ADGRL2: variants seen among roughly 807,000 people sequenced by gnomAD.
ADGRL2 encodes adhesion G protein-coupled receptor L2.
In ADGRL2, 44 loss-of-function variants were observed where a neutral mutation model predicts 157.4. The ratio of observed to expected loss-of-function variants is 0.28; its 90% CI spans 0.22 to 0.36. The LOEUF is 0.36. Among genes scored for constraint, ADGRL2 ranks in the 10% least tolerant of loss-of-function variants. The probability of loss-of-function intolerance (pLI) is 1.00; values close to 1 mark genes in which losing one functional copy is unlikely to be tolerated. For synonymous variants in ADGRL2, 585 were observed against 624.7 expected (o/e 0.94, Z 0.95); for missense variants, 1,510 against 1,768.9 (o/e 0.85, Z 2.63).
chr1:81,655,382 C>T (rs1018347572), intron 3 of ADGRL2, among the ~76,000 whole-genome samples: 2 of 152,112 alleles, frequency 1.3e-5, no homozygotes, highest in African/African-American at 2.4e-5. Context: ...AAGTCAATTG[C>T]CCCTGTTCAC....
intron 1 of ADGRL2, among the ~76,000 whole-genome samples, chr1:81,425,911 G>A (rs984564306): frequency 3.3e-5 from 5 of 151,992 alleles, no homozygotes; most frequent in Non-Finnish European, 7.4e-5. Context: ...CTGTTGCCCA[G>A]GCTGGACTGC....
intron 1 of ADGRL2, among the ~76,000 whole-genome samples, chr1:81,750,696 A>C (rs2085461076): frequency 6.6e-6 from 1 of 152,140 alleles, no homozygotes; most frequent in Non-Finnish European, 1.5e-5. Context: ...TAGCCTGGGC[A>C]ACAGAGCAAG....
At chr1:81,926,106 A>T (rs2148681424) in intron 3 of ADGRL2, among the ~76,000 whole-genome samples, 1 of 152,152 alleles carries the variant, frequency 6.6e-6, no homozygotes, top group East Asian at 1.9e-4. Context: ...AAGAAGAGCC[A>T]TAAGGGTGAA....
At chr1:81,790,120 G>C (rs776526428) in intron 2 of ADGRL2, among the ~76,000 whole-genome samples, 38 of 152,200 alleles carry the variant, frequency 2.5e-4, no homozygotes, top group Non-Finnish European at 4.4e-4. Context: ...TAAGTTGTTG[G>C]GACAGGAAAG....
intron 1 of ADGRL2, among the ~76,000 whole-genome samples, chr1:81,439,765 T>C (rs539361721): frequency 6.6e-6 from 1 of 152,314 alleles, no homozygotes; most frequent in African/African-American, 2.4e-5. Flanking sequence ...CCTTGCCCCA[T>C]TGTGTGAGGT....
chr1:81,848,247 T>A (rs2092867781), intron 2 of ADGRL2, among the ~76,000 whole-genome samples: 1 of 151,880 alleles, frequency 6.6e-6, no homozygotes, highest in Non-Finnish European at 1.5e-5. Context: ...AAAAGTAAGT[T>A]AGTAGCAAAT....
At chr1:81,427,441 G>T (rs967632436) in intron 1 of ADGRL2, 8 of 752,270 alleles carry the variant, frequency 1.1e-5, no homozygotes, top group Non-Finnish European at 1.9e-5. Context: ...ATTTGGTGGT[G>T]GTAACTGTGG....
chr1:81,804,666 T>C (rs2088840975), intron 1 of ADGRL2, among the ~76,000 whole-genome samples: 1 of 152,238 alleles, frequency 6.6e-6, no homozygotes, highest in South Asian at 2.1e-4. Flanking sequence ...GGTTTGTTCC[T>C]AGAAAAAGAG....
At chr1:81,426,871 T>A (rs1570936912) in intron 1 of ADGRL2, 1 of 623,402 alleles carries the variant, frequency 1.6e-6, no homozygotes, top group East Asian at 3.4e-5. Flanking sequence ...TACAGAAGAA[T>A]ATAATTTGAG....
At chr1:81,581,874 G>GTGCA (rs1553127043) in intron 3 of ADGRL2, among the ~76,000 whole-genome samples, 1 of 83,452 alleles carries the variant, frequency 1.2e-5, no homozygotes, top group Non-Finnish European at 3.1e-5. Context: ...ACACATGCGC[G>GTGCA]CACACACACA....
chr1:81,374,578 G>GAAAAAAAAAACAAA (rs1553158619), intron 1 of ADGRL2, among the ~76,000 whole-genome samples: 1 of 130,254 alleles, frequency 7.7e-6, no homozygotes. Context: ...TCTCAAAAAA[G>GAAAAAAAAAACAAA]AAAAAAAAAA....
At chr1:81,359,747 C>T (rs2075944001) in intron 1 of ADGRL2, among the ~76,000 whole-genome samples, 1 of 151,954 alleles carries the variant, frequency 6.6e-6, no homozygotes, top group South Asian at 2.1e-4. Context: ...CATTTACCTA[C>T]ATAAATGCAT....
At chr1:81,337,631 T>C (rs898030309) in intron 1 of ADGRL2, among the ~76,000 whole-genome samples, 3 of 152,232 alleles carry the variant, frequency 2.0e-5, no homozygotes, top group African/African-American at 7.2e-5. Context: ...TGCTAATATA[T>C]GGTCTTCTTT....
chr1:81,346,815 A>T (rs1258784937), intron 1 of ADGRL2, among the ~76,000 whole-genome samples: 1 of 152,218 alleles, frequency 6.6e-6, no homozygotes, highest in Admixed American at 6.5e-5. Flanking sequence ...GCATTTTGTT[A>T]TGGCAGTCTT....
At chr1:81,710,495 C>T (rs2083889830) in intron 1 of ADGRL2, among the ~76,000 whole-genome samples, 1 of 151,374 alleles carries the variant, frequency 6.6e-6, no homozygotes, top group Non-Finnish European at 1.5e-5. Flanking sequence ...TGGCACACAC[C>T]TGTAGTCCCA....
chr1:81,556,146 G>A (rs1172317604), intron 2 of ADGRL2, among the ~76,000 whole-genome samples: 2 of 151,972 alleles, frequency 1.3e-5, no homozygotes, highest in Non-Finnish European at 2.9e-5. Context: ...CTCATTTTGA[G>A]AGCTCTGGAA....
In ADGRL2 at chr1:81,642,787, T is replaced by C. The variant is rs115896396; in HGVS notation, c.-143+61807T>C. 8.8e-3 allele frequency among the ~76,000 whole-genome samples: 1,346 copies of C among 152,206 alleles called. 11 individuals carry two copies. Among genetic ancestry groups the C allele is most frequent in the Admixed American group, 0.021 (327 of 15,290 alleles). On this transcript the variant is annotated intron_variant, in intron 3 of 24. Coordinates refer to the ADGRL2 transcript ENST00000370721. ...ACCGATTAAACATTCAAAAATCAATTAATATAATAATCACATGACATGAAC... is the reference window on the plus strand; with the variant it reads ...ACCGATTAAACATTCAAAAATCAATCAATATAATAATCACATGACATGAAC...
At chr1:81,720,857 C>T (rs889574451) in intron 1 of ADGRL2, among the ~76,000 whole-genome samples, 1 of 150,310 alleles carries the variant, frequency 6.7e-6, no homozygotes, top group African/African-American at 2.4e-5. Context: ...GGGAAAAATC[C>T]TCACTTATAT....
chr1:81,517,451 C>T (rs138159556), intron 2 of ADGRL2, among the ~76,000 whole-genome samples: 3,458 of 120,270 alleles, frequency 0.029, 105 homozygotes, highest in African/African-American at 0.085. Flanking sequence ...GGCGACAGAG[C>T]GAGACTCCCT....
Sources: gnomAD v4.1 joint callset for allele counts (sites outside exome capture counted in the v4.1 genomes callset) on GRCh38, gnomAD v4.1.1 for gene constraint, MANE v1.5 for transcripts, NCBI Gene and HGNC (gene_info 2026-07-23, HGNC 2026-07-21) for gene names.